The following ALK variants were observed in gnomAD, a reference collection of about 807,000 sequenced individuals.
The protein encoded by ALK is ALK tyrosine kinase receptor.
ALK carries 74 observed loss-of-function variants against 163.1 expected under a neutral mutation model. That is an observed-to-expected ratio of 0.45 (90% confidence interval 0.38 to 0.55). The LOEUF (loss-of-function observed/expected upper bound fraction) is 0.55. ALK is among the 20% of genes least tolerant of loss of function. The pLI is 0.00. For synonymous variants in ALK, 960 were observed against 843.2 expected (o/e 1.14, Z -2.40); for missense variants, 2,063 against 2,105.3 (o/e 0.98, Z 0.39).
At chr2:29,404,188 C>T (rs1000519079) in intron 4 of ALK, among the ~76,000 whole-genome samples, 4 of 151,794 alleles carry the variant, frequency 2.6e-5, no homozygotes, top group African/African-American at 9.7e-5. Flanking sequence ...GCTGAAATCC[C>T]AGCTACTCGG....
chr2:29,712,997 T>A (rs1020306174), intron 2 of ALK, among the ~76,000 whole-genome samples: 11 of 152,152 alleles, frequency 7.2e-5, no homozygotes, highest in African/African-American at 2.4e-4. Context: ...TTCTCACAGT[T>A]TTGGAGGCCA....
intron 1 of ALK, among the ~76,000 whole-genome samples, chr2:29,753,765 T>C (rs1040971646): frequency 6.6e-6 from 1 of 152,206 alleles, no homozygotes; most frequent in Non-Finnish European, 1.5e-5. Flanking sequence ...CATAACTGAA[T>C]GCCCTTGACA....
chr2:29,835,842 G>A (rs1034491575), intron 1 of ALK, among the ~76,000 whole-genome samples: 4 of 152,066 alleles, frequency 2.6e-5, no homozygotes, highest in South Asian at 2.1e-4. Flanking sequence ...CTCACCTTCC[G>A]CCATGATTGT....
intron 8 of ALK, among the ~76,000 whole-genome samples, chr2:29,310,046 C>A (rs1450321270): frequency 6.6e-6 from 1 of 152,178 alleles, no homozygotes; most frequent in African/African-American, 2.4e-5. Context: ...CCTCATGCAG[C>A]AACTAAAACA....
At chr2:29,477,529 T>C (rs1671557469) in intron 4 of ALK, among the ~76,000 whole-genome samples, 1 of 152,238 alleles carries the variant, frequency 6.6e-6, no homozygotes, top group Admixed American at 6.5e-5. Context: ...CAGAATGTTT[T>C]ATCAGAGGTG....
intron 13 of ALK, among the ~76,000 whole-genome samples, chr2:29,237,981 C>A (rs539370598): frequency 6.6e-6 from 1 of 152,066 alleles, no homozygotes; most frequent in Non-Finnish European, 1.5e-5. Context: ...TGCCACCAGG[C>A]GAGGTTTGGG....
At chr2:29,679,246 T>G (rs1677987705) in intron 3 of ALK, among the ~76,000 whole-genome samples, 1 of 151,872 alleles carries the variant, frequency 6.6e-6, no homozygotes, top group Non-Finnish European at 1.5e-5. Context: ...TATTTGAGTA[T>G]TTGAGTCTAA....
chr2:29,211,390 T>C (rs553435029), intron 24 of ALK, among the ~76,000 whole-genome samples: 21 of 152,404 alleles, frequency 1.4e-4, no homozygotes, highest in African/African-American at 5.0e-4. Flanking sequence ...GAAAAGTCTT[T>C]ACACTGATGT....
chr2:29,916,211 T>C (rs758562939), intron 1 of ALK, among the ~76,000 whole-genome samples: 14 of 152,214 alleles, frequency 9.2e-5, no homozygotes, highest in Non-Finnish European at 1.8e-4. Context: ...GGAATATCAA[T>C]GTCAGAAAAC....
At chr2:29,717,490 G>A (rs1408180638) in intron 2 of ALK, 88 bp downstream of exon 2, 1 of 1,499,604 alleles carries the variant, frequency 6.7e-7, no homozygotes, top group Non-Finnish European at 9.3e-7. Flanking sequence ...ATGCCCTGGA[G>A]CACTATGAAT....
Position 29,347,058 on chromosome 2 carries a change from C to T in ALK, c.1283-18577G>A, listed in dbSNP as rs116164706. Among the ~76,000 whole-genome samples the T allele has an allele frequency of 3.4e-3, 519 of 152,294 alleles. 3 individuals are homozygous for T. Among genetic ancestry groups the T allele is most frequent in the African/African-American group, 0.012 (489 of 41,558 alleles). ...AGATCTTTATTTGCATAGCACTCTC[C>T]GTTTTTTGTAGTTCAAGGTACATGA... On this transcript the variant is annotated intron_variant, in intron 5 of 28. Coordinates refer to ENST00000389048, the MANE Select transcript of ALK (RefSeq NM_004304.5).
At chr2:29,913,918 G>C (rs1431203882) in intron 1 of ALK, among the ~76,000 whole-genome samples, 3 of 152,124 alleles carry the variant, frequency 2.0e-5, no homozygotes, top group Non-Finnish European at 4.4e-5. Flanking sequence ...AAATAAAAGA[G>C]TTACCAGAGG....
intron 3 of ALK, among the ~76,000 whole-genome samples, chr2:29,644,629 T>C (rs997057677): frequency 6.7e-6 from 1 of 148,666 alleles, no homozygotes; most frequent in Non-Finnish European, 1.5e-5. Flanking sequence ...AGGAATCAAA[T>C]TGCTAGCCAT....
intron 3 of ALK, among the ~76,000 whole-genome samples, chr2:29,605,526 G>T (rs1441119243): frequency 6.6e-6 from 1 of 152,190 alleles, no homozygotes; most frequent in Non-Finnish European, 1.5e-5. Context: ...TGACTTAGAT[G>T]AAGTCACGAA....
intron 8 of ALK, among the ~76,000 whole-genome samples, chr2:29,301,387 C>G (rs566935304): frequency 6.6e-6 from 1 of 152,298 alleles, no homozygotes; most frequent in Admixed American, 6.5e-5. Context: ...AAGGCAGGGA[C>G]TGTCTTATTC....
chr2:29,624,674 G>A (rs1676142589), intron 3 of ALK, among the ~76,000 whole-genome samples: 1 of 152,212 alleles, frequency 6.6e-6, no homozygotes, highest in Non-Finnish European at 1.5e-5. Context: ...GATGATCCGT[G>A]CAGCAAACCA....
At chr2:29,282,948 G>A (rs1049286594) in intron 9 of ALK, among the ~76,000 whole-genome samples, 4 of 152,208 alleles carry the variant, frequency 2.6e-5, no homozygotes, top group African/African-American at 9.6e-5. Flanking sequence ...CCCATCTCTG[G>A]CAAGTTCCTG....
intron 1 of ALK, 105 bp downstream of exon 1, chr2:29,919,888 G>T: frequency 7.2e-7 from 1 of 1,388,070 alleles, no homozygotes; most frequent in South Asian, 1.4e-5. Context: ...ATGAAGCAGA[G>T]CTGAGGTTTT....
chr2:29,397,142 G>A (rs1384843550), intron 4 of ALK, among the ~76,000 whole-genome samples: 1 of 152,092 alleles, frequency 6.6e-6, no homozygotes, highest in Non-Finnish European at 1.5e-5. Context: ...CTCAGAATGT[G>A]ACTTTATGTG....
Sources: allele counts gnomAD v4.1 joint callset (sites outside exome capture counted in the v4.1 genomes callset), GRCh38; gene constraint gnomAD v4.1.1; transcripts MANE v1.5; gene names NCBI Gene and HGNC (gene_info 2026-07-23, HGNC 2026-07-21).